Variants in MYL1 observed in about 807,000 individuals in gnomAD.
MYL1 encodes the protein myosin light chain 1.
Under a neutral mutation model 21.8 loss-of-function variants are expected in MYL1, and 16 were observed. That is an observed-to-expected ratio of 0.74 (90% CI 0.50 to 1.12). The LOEUF (loss-of-function observed/expected upper bound fraction) is 1.12, where lower values mean the gene tolerates loss of function less well. MYL1 is among the 50% of genes most tolerant of loss of function. The pLI is 0.00. For synonymous variants in MYL1, 99 were observed against 85.2 expected (o/e 1.16, Z -0.89); for missense variants, 246 against 241.0 (o/e 1.02, Z -0.14).
intron 1 of MYL1, among the ~76,000 whole-genome samples, chr2:210,303,304 A>C (rs1001857539): frequency 2.0e-5 from 3 of 152,168 alleles, no homozygotes; most frequent in African/African-American, 7.2e-5. Flanking sequence ...ATACAGCAAG[A>C]GTTGGTGAAG....
At chr2:210,314,117 T>A (rs976424359) in intron 1 of MYL1, among the ~76,000 whole-genome samples, 8 of 152,134 alleles carry the variant, frequency 5.3e-5, no homozygotes, top group Admixed American at 5.2e-4. Context: ...ATTGAGAACT[T>A]TGATCACAGC....
rs1321711221 is a variant in MYL1, at chr2:210,290,390, T to C, written c.*92A>G. 2.6e-5 allele frequency: 4 copies of C among 152,228 alleles called. No homozygotes were observed. Among genetic ancestry groups the C allele is most frequent in the African/African-American group, 9.6e-5 (4 of 41,462 alleles). The allele number at this position is 152,228 out of a possible 1,614,324, so 9.4% of individuals were successfully genotyped here. On this transcript the variant is annotated 3_prime_UTR_variant, in exon 7 of 7. Transcript: ENST00000352451. ...CAGATTGCTTTGTTTTCCTGAATGATGGTAAACAGATCTGGAGAGTTTGTC... is the reference window on the plus strand; with the variant it reads ...CAGATTGCTTTGTTTTCCTGAATGACGGTAAACAGATCTGGAGAGTTTGTC...
chr2:210,306,912 A>G (rs1417490276), intron 1 of MYL1, among the ~76,000 whole-genome samples: 1 of 152,092 alleles, frequency 6.6e-6, no homozygotes, highest in Non-Finnish European at 1.5e-5. Context: ...AGTCCTTTGA[A>G]CAAAGGTAAA....
chr2:210,298,709 A>G (rs1690218848), intron 2 of MYL1, 146 bp from the exon 3 acceptor site: 2 of 869,428 alleles, frequency 2.3e-6, no homozygotes, highest in South Asian at 1.9e-5. Flanking sequence ...CTCTTTTTGT[A>G]TCTCCAAATA....
At chr2:210,297,877 A>G (rs1296727522) in intron 3 of MYL1, among the ~76,000 whole-genome samples, 3 of 151,998 alleles carry the variant, frequency 2.0e-5, no homozygotes, top group Non-Finnish European at 2.9e-5. Flanking sequence ...GTTGCTTGAC[A>G]AAGTTGCAAT....
chr2:210,297,065 A>T lies in MYL1; in HGVS notation c.304+1355T>A, dbSNP rs183160154. 8.4e-3 allele frequency among the ~76,000 whole-genome samples: 1,265 copies of T among 149,736 alleles called. 10 individuals are homozygous for T. Among genetic ancestry groups the T allele is most frequent in the Non-Finnish European group, 0.013 (882 of 67,566 alleles). On this transcript the variant is annotated intron_variant, in intron 3 of 6. Coordinates refer to ENST00000352451, the MANE Select transcript of MYL1 (RefSeq NM_079420.3). ...TATATATAAAATATTTTCTTTATCCATTCATCTGTTGATGGACATTTATGT... is the reference window on the plus strand; with the variant it reads ...TATATATAAAATATTTTCTTTATCCTTTCATCTGTTGATGGACATTTATGT...
At position 210,296,003 on chromosome 2, in the gene MYL1, A is replaced by T. The variant is rs539410957; in HGVS notation, c.305-1585T>A. ...TCCTGAAATCAAGTTTTCTTCTAAC[A>T]AAGGAAGGTCACCAAAGAATTTTCA... On this transcript the variant is annotated intron_variant, in intron 3 of 6. Transcript: ENST00000352451. 4.6e-5 allele frequency among the ~76,000 whole-genome samples: 7 copies of T among 152,290 alleles called. 1 individual carries two copies. The Middle Eastern group carries it at 0.017, about 370-fold the overall frequency.
intron 1 of MYL1, chr2:210,302,943 A>G (rs1331335856): frequency 4.4e-6 from 3 of 681,874 alleles, no homozygotes; most frequent in Non-Finnish European, 7.3e-6. Context: ...TTTTGAATCT[A>G]GGAACATAAA....
chr2:210,300,808 C>T (rs914269309), intron 2 of MYL1, among the ~76,000 whole-genome samples: 1 of 152,102 alleles, frequency 6.6e-6, no homozygotes, highest in African/African-American at 2.4e-5. Context: ...CCAGTTTTTG[C>T]ACCCTTTCCT....
intron 2 of MYL1, among the ~76,000 whole-genome samples, chr2:210,301,178 G>A (rs1690260262): frequency 3.3e-5 from 5 of 152,100 alleles, no homozygotes; most frequent in Admixed American, 3.3e-4. Flanking sequence ...CAATGTAGCA[G>A]CATCACTAGT....
chr2:210,309,338 A>G (rs886077470), intron 1 of MYL1, among the ~76,000 whole-genome samples: 10 of 152,032 alleles, frequency 6.6e-5, no homozygotes, highest in Admixed American at 2.0e-4. Flanking sequence ...AACAGGAGAC[A>G]TATGCCACGG....
intron 5 of MYL1, among the ~76,000 whole-genome samples, chr2:210,293,393 A>G (rs1690111575): frequency 6.6e-6 from 1 of 152,248 alleles, no homozygotes; most frequent in South Asian, 2.1e-4. Flanking sequence ...TCATATTAGT[A>G]AATGACTTTG....
intron 1 of MYL1, among the ~76,000 whole-genome samples, chr2:210,308,703 A>T (rs1251697456): frequency 1.3e-5 from 2 of 151,896 alleles, no homozygotes; most frequent in Non-Finnish European, 2.9e-5. Context: ...TTTTAATAAA[A>T]ATCTAGAAGC....
intron 5 of MYL1, 121 bp downstream of exon 5, chr2:210,293,602 A>G: frequency 1.3e-6 from 1 of 741,648 alleles, no homozygotes; most frequent in Non-Finnish European, 2.3e-6. Context: ...TTTTAGAGTT[A>G]TGCAATTGAT....
rs867554743 is a variant in MYL1, at chr2:210,304,025, G to A, written c.133-1510C>T. Among the ~76,000 whole-genome samples the A allele has an allele frequency of 1.8e-4, 27 of 152,194 alleles. No homozygotes were observed. The South Asian group carries it at 3.7e-3, about 21-fold the overall frequency. ...AAGTTTTTGGATGGGACTGGTTTGGGGTTTCAAATGGCAACTGCTATAGCA... is the reference window on the plus strand; with the variant it reads ...AAGTTTTTGGATGGGACTGGTTTGGAGTTTCAAATGGCAACTGCTATAGCA... On this transcript the variant is annotated intron_variant, in intron 1 of 6. Coordinates refer to ENST00000352451, the MANE Select transcript of MYL1 (RefSeq NM_079420.3).
chr2:210,311,476 G>A (rs1690419393), intron 1 of MYL1, among the ~76,000 whole-genome samples: 5 of 151,932 alleles, frequency 3.3e-5, no homozygotes, highest in Admixed American at 6.6e-5. Context: ...CCTTTACCAC[G>A]TTTTATAATA....
chr2:210,307,746 A>G (rs1040739992), intron 1 of MYL1, among the ~76,000 whole-genome samples: 2 of 152,184 alleles, frequency 1.3e-5, no homozygotes, highest in Non-Finnish European at 2.9e-5. Context: ...ATGTTTACAA[A>G]TTCTTTTTTA....
chr2:210,293,835 C>A (rs374462931), intron 4 of MYL1, 35 bp from the exon 5 acceptor site: 1 of 1,594,838 alleles, frequency 6.3e-7, no homozygotes, highest in African/African-American at 1.3e-5. Context: ...AGAAAGAAGG[C>A]CATGTGTTAT....
Position 210,298,513 on chromosome 2 carries a change from T to A in MYL1, c.211A>T (p.Thr71Ser), listed in dbSNP as rs145897731. 2.3e-4 allele frequency: 364 copies of A among 1,613,938 alleles called. No individual in the cohort carries two copies. The highest frequency in any genetic ancestry group is 3.0e-4 in the Non-Finnish European group (359 of 1,179,976). Residue 71 changes from threonine to serine, a missense_variant, in exon 3 of 7, where the codon ACC becomes TCC. Transcript: ENST00000352451. ...LFDRTGDSKI[T>S]LSQVGDVLRA... ...AGGACATCACCGACCTGGCTTAAGG[T>A]GATCTTGGAATCACCTGTTCTGTCA...
Sources: allele counts gnomAD v4.1 joint callset (sites outside exome capture counted in the v4.1 genomes callset), GRCh38; gene constraint gnomAD v4.1.1; transcripts MANE v1.5; gene names NCBI Gene and HGNC (gene_info 2026-07-23, HGNC 2026-07-21).